KLC3: variants seen among roughly 807,000 people sequenced by gnomAD.
KLC3 encodes the protein kinesin light chain 3, also known as kinesin light chain 2.
KLC3 carries 72 observed loss-of-function variants against 62.9 expected under a neutral mutation model. The ratio of observed to expected loss-of-function variants is 1.15; its 90% confidence interval spans 0.95 to 1.39. The LOEUF is 1.39. Among genes scored for constraint, KLC3 ranks in the 40% most tolerant of loss-of-function variants. KLC3 has a pLI of 0.00. For synonymous variants in KLC3, 377 were observed against 300.5 expected (o/e 1.25, Z -2.63); for missense variants, 848 against 691.6 (o/e 1.23, Z -2.54).
chr19:45,350,789 G>T, intron 11 of KLC3, 42 bp downstream of exon 11: 2 of 1,549,792 alleles, frequency 1.3e-6, no homozygotes, highest in Non-Finnish European at 8.8e-7. Flanking sequence ...GACATCAGCA[G>T]AATCCACAGC....
chr19:45,342,502 G>A (rs1971414565), intron 1 of KLC3, among the ~76,000 whole-genome samples: 1 of 152,162 alleles, frequency 6.6e-6, no homozygotes, highest in South Asian at 2.1e-4. Flanking sequence ...GCTCACGCCT[G>A]TAATCCCAGC....
At chr19:45,351,074 GAGGCAA>G in intron 12 of KLC3, 57 bp downstream of exon 12, 1 of 1,613,678 alleles carries the variant, frequency 6.2e-7, no homozygotes, top group Non-Finnish European at 8.5e-7. Context: ...GTGCAGAGAT[GAGGCAA>G]AGGCAGGGCG....
rs765121012 is a variant in KLC3 at position 45,348,641 on chromosome 19, C to G, written c.780-5C>G. 5 of 1,570,068 alleles carry G rather than the reference C, an allele frequency of 3.2e-6. No homozygotes were observed. In the South Asian group the frequency reaches 3.5e-5, roughly 11 times the overall value. ...CCCCCTCCATTCCTGGGGCGCCCCCCACAGGGACCAGAACAAGTACAAAGA... is the reference window on the plus strand; with the variant it reads ...CCCCCTCCATTCCTGGGGCGCCCCCGACAGGGACCAGAACAAGTACAAAGA... On this transcript the variant is annotated splice_polypyrimidine_tract_variant and splice_region_variant and intron_variant, in intron 5 of 12. Transcript: ENST00000391946.
Position 45,350,424 on chromosome 19 carries a change from C to T in KLC3, c.1227C>T (p.Ala409=). Residue 409 remains alanine, a synonymous_variant, in exon 9 of 13, where the codon GCC becomes GCT. Coordinates refer to ENST00000391946, the MANE Select transcript of KLC3 (RefSeq NM_177417.3). The part of the protein sequence containing the change: ...KEILHKEDLP[A]PLGAPNTGTA... ...TCCTCCACAAGGAGGACCTACCCGC[C>T]CCTCTCGGTGAGCCCCTAGCCCCTG... 2 of 1,613,772 alleles carry T rather than the reference C, an allele frequency of 1.2e-6. No homozygotes were observed. The highest frequency in any genetic ancestry group is 1.3e-5 in the African/African-American group (1 of 74,972).
In KLC3 at chr19:45,350,516, G is replaced by A. The variant is rs923086524; in HGVS notation, c.1237G>A (p.Ala413Thr). 98 of 1,613,238 alleles carry A rather than the reference G, an allele frequency of 6.1e-5. No individual in the cohort carries two copies. The highest frequency in any genetic ancestry group is 8.0e-5 in the Non-Finnish European group (94 of 1,179,774). The change falls in exon 10 of 13, where the codon GCC (alanine) becomes ACC (threonine). Residue 413 changes from alanine to threonine, a missense_variant and splice_region_variant. Coordinates refer to ENST00000391946, the MANE Select transcript of KLC3 (RefSeq NM_177417.3). ...HKEDLPAPLG[A>T]PNTGTAGDAE... ...GTGTCCCCCATCTTTCCCCCTAGGT[G>A]CCCCCAACACAGGCACAGCTGGTGA...
chr19:45,349,043 C>G (rs867148909), intron 7 of KLC3, 122 bp downstream of exon 7: 3 of 821,342 alleles, frequency 3.7e-6, no homozygotes, highest in East Asian at 5.3e-5. Flanking sequence ...TTGGGAGACC[C>G]CAGTTGGAGC....
rs1442838238 is a variant in KLC3, at chr19:45,350,773, AGC to A, written c.1379+27_1379+28del. The A allele has an allele frequency of 3.8e-6, 6 of 1,588,044 alleles. No individual in the cohort carries two copies. In the African/African-American group the frequency reaches 8.1e-5, roughly 21 times the overall value. Reference sequence around the variant, plus strand: ...GTGAGTGTTGATCAGGTCGGCAAAGAGCCCTGACATCAGCAGAATCCACAGCC... The same window carrying A: ...GTGAGTGTTGATCAGGTCGGCAAAGACCTGACATCAGCAGAATCCACAGCC... On this transcript the variant is annotated intron_variant, in intron 11 of 12. Coordinates refer to ENST00000391946, the MANE Select transcript of KLC3 (RefSeq NM_177417.3).
intron 12 of KLC3, 28 bp from the exon 13 acceptor site, chr19:45,351,258 T>TGTG (rs1425622317): frequency 6.2e-7 from 1 of 1,606,200 alleles, no homozygotes; most frequent in Middle Eastern, 1.7e-4. Flanking sequence ...TCACCTCCCC[T>TGTG]CCAACCATCC....
rs750728345 is a variant in KLC3 at position 45,351,380 on chromosome 19, G to A, written c.*23G>A. 63 of 1,607,276 alleles carry A rather than the reference G, an allele frequency of 3.9e-5. No individual in the cohort carries two copies. The highest frequency in any genetic ancestry group is 8.8e-5 in the South Asian group (8 of 91,070). On this transcript the variant is annotated 3_prime_UTR_variant, in exon 13 of 13. Coordinates refer to ENST00000391946, the MANE Select transcript of KLC3 (RefSeq NM_177417.3). The stretch of plus-strand genomic sequence containing the variant: ...TAACGTCCAGTGAACTGCGCTGGCC[G>A]CAGCTTCTTGGGAACAGTGCAGGAG...
At chr19:45,341,580 C>CGCGT (rs1971396237) in intron 1 of KLC3, among the ~76,000 whole-genome samples, 1 of 77,836 alleles carries the variant, frequency 1.3e-5, no homozygotes, top group African/African-American at 3.8e-5. Flanking sequence ...TGTGTGTGTG[C>CGCGT]GCGCGCGCGT....
rs758507393 is a variant in KLC3 at position 45,351,043 on chromosome 19, TAGAGGAGGCCATGTGGGTAGGTGCAG to T, written c.1443+30_1443+55del. The T allele has an allele frequency of 2.5e-6, 4 of 1,613,678 alleles. No homozygotes were observed. The African/African-American group carries it at 4.0e-5, about 16-fold the overall frequency. The stretch of plus-strand genomic sequence containing the variant: ...GTGAGGGGGACATCTGGGTCAAAAA[TAGAGGAGGCCATGTGGGTAGGTGCAG>T]AGATGAGGCAAAGGCAGGGCGGTCG... On this transcript the variant is annotated intron_variant, in intron 12 of 12. Transcript: ENST00000391946.
At position 45,345,604 on chromosome 19, in the gene KLC3, G is replaced by C. The variant is rs1232315080; in HGVS notation, c.63G>C (p.Glu21Asp). Residue 21 changes from glutamate (E) to aspartate (D), a missense_variant, in exon 2 of 13, where the codon GAG (glutamate) becomes GAC (aspartate). Transcript: ENST00000391946. ...TGGGCCCAGAGCGCCTGAGCCCTGA[G>C]GAGCTGGTGCGGCAGACGCGGCAAG... Reference protein sequence around the residue: ...AGLGPERLSPEELVRQTRQVV... With the variant: ...AGLGPERLSPDELVRQTRQVV... The C allele has an allele frequency of 6.3e-7, 1 of 1,577,818 alleles. No homozygotes were observed. The highest frequency in any genetic ancestry group is 8.6e-7 in the Non-Finnish European group (1 of 1,162,906).
Position 45,351,453 on chromosome 19 carries a change from C to T in KLC3, c.*96C>T, listed in dbSNP as rs1971772614. 1 of 1,582,906 alleles carries T rather than the reference C, an allele frequency of 6.3e-7. No homozygotes were observed. Among genetic ancestry groups the T allele is most frequent in the Non-Finnish European group, 8.6e-7 (1 of 1,168,230 alleles). On this transcript the variant is annotated 3_prime_UTR_variant, in exon 13 of 13. Transcript: ENST00000391946. ...GGGGTCTATCATCTCCTGGCCCCCC[C>T]TTGCCTCTGGGTACCTGGTGGATAG...
At position 45,350,712 on chromosome 19, in the gene KLC3, CCGGCTCCGAGGCGAGG is replaced by C; in HGVS notation, c.1349_1364del (p.Leu450ArgfsTer7). On this transcript the variant is annotated frameshift_variant, in exon 11 of 13. Transcript: ENST00000391946. LOFTEE classifies it high-confidence loss of function. ...GGCGAGGAAGTGAGAAGCTGGTCTC[CCGGCTCCGAGGCGAGG>C]CGGCGGCAGGAGCAGCCGGGTGAGT... The C allele has an allele frequency of 6.2e-7, 1 of 1,613,456 alleles. No individual in the cohort carries two copies. Among genetic ancestry groups the C allele is most frequent in the African/African-American group, 1.3e-5 (1 of 74,990 alleles).
At chr19:45,345,357 G>A in intron 1 of KLC3, 177 bp from the exon 2 acceptor site, 5 of 766,154 alleles carry the variant, frequency 6.5e-6, no homozygotes, top group Non-Finnish European at 1.1e-5. Context: ...TGGGATGGGT[G>A]TGGAGACTGG....
At chr19:45,345,422 G>A in intron 1 of KLC3, 112 bp from the exon 2 acceptor site, 1 of 1,420,462 alleles carries the variant, frequency 7.0e-7, no homozygotes, top group Non-Finnish European at 9.7e-7. Context: ...GCAGGGAAGA[G>A]CCAGGATGGG....
chr19:45,346,723 C>T lies in KLC3; in HGVS notation c.438C>T (p.His146=), dbSNP rs1196775923. Reference sequence around the variant, plus strand: ...CCCAGCTGGAGGAGGAGAAGCGCCACCTGGAGTTCCTGGGGCAGCTGCGAC... The same window carrying T: ...CCCAGCTGGAGGAGGAGAAGCGCCATCTGGAGTTCCTGGGGCAGCTGCGAC... ...SVAQLEEEKR[H]LEFLGQLRQY... Residue 146 remains histidine, a synonymous_variant, in exon 3 of 13, where the codon CAC becomes CAT. Coordinates refer to ENST00000391946, the MANE Select transcript of KLC3 (RefSeq NM_177417.3). 1.9e-6 allele frequency: 3 copies of T among 1,586,286 alleles called. No individual in the cohort carries two copies. The highest frequency in any genetic ancestry group is 2.6e-6 in the Non-Finnish European group (3 of 1,167,266).
At chr19:45,349,326 CT>C in intron 7 of KLC3, 102 bp from the exon 8 acceptor site, 2 of 1,224,796 alleles carry the variant, frequency 1.6e-6, no homozygotes, top group East Asian at 4.8e-5. Flanking sequence ...TCACTCTCTG[CT>C]TTGACCCTGT....
At chr19:45,350,776 C>T (rs904917081) in intron 11 of KLC3, 29 bp downstream of exon 11, 1 of 1,584,362 alleles carries the variant, frequency 6.3e-7, no homozygotes, top group Admixed American at 1.8e-5. Flanking sequence ...GGCAAAGAGC[C>T]CTGACATCAG....
Sources: allele counts gnomAD v4.1 joint callset (sites outside exome capture counted in the v4.1 genomes callset), GRCh38; gene constraint gnomAD v4.1.1; transcripts MANE v1.5; gene names NCBI Gene and HGNC (gene_info 2026-07-23, HGNC 2026-07-21).